IMMP2L: variants seen among roughly 807,000 people sequenced by gnomAD.
IMMP2L encodes the protein mitochondrial inner membrane protease subunit 2.
In IMMP2L, 18 loss-of-function variants were observed where a neutral mutation model predicts 19.3. That is an observed-to-expected ratio of 0.93 (90% CI 0.64 to 1.38). The LOEUF (loss-of-function observed/expected upper bound fraction) is 1.38. IMMP2L is among the 40% of genes most tolerant of loss of function. The pLI, the probability that IMMP2L is intolerant of heterozygous loss-of-function variation, is 0.00. For missense variants in IMMP2L, 233 were observed against 218.2 expected (o/e 1.07, Z -0.43); for synonymous variants, 76 against 73.0 (o/e 1.04, Z -0.21).
chr7:111,392,882 C>T, intron 3 of IMMP2L: 1 of 455,868 alleles, frequency 2.2e-6, no homozygotes, highest in Non-Finnish European at 4.4e-6. Flanking sequence ...GGGTCCAGAG[C>T]ATAGTAGCTT....
intron 3 of IMMP2L, among the ~76,000 whole-genome samples, chr7:111,479,719 T>C (rs1842018860): frequency 6.6e-6 from 1 of 152,246 alleles, no homozygotes; most frequent in Non-Finnish European, 1.5e-5. Context: ...TTTTTAAATA[T>C]AAGAAACAGC....
chr7:111,184,660 G>T (rs1808069845), intron 3 of IMMP2L, among the ~76,000 whole-genome samples: 1 of 152,034 alleles, frequency 6.6e-6, no homozygotes, highest in African/African-American at 2.4e-5. Flanking sequence ...TGCTATAAAT[G>T]TCACAAGTGC....
chr7:111,281,214 GAAAAAGAAAGAAAGAAAGAAAGAAAGA>G (rs1563005184), intron 3 of IMMP2L, among the ~76,000 whole-genome samples: 92 of 30,780 alleles, frequency 3.0e-3, no homozygotes, highest in South Asian at 0.012. Context: ...AAGAAAGAAA[GAAAAAGAAAGAAAGAAAGAAAGAAAGA>G]AAGAAGAGAG....
At chr7:111,402,791 T>A (rs182199189) in intron 3 of IMMP2L, among the ~76,000 whole-genome samples, 347 of 152,222 alleles carry the variant, frequency 2.3e-3, no homozygotes, top group Non-Finnish European at 4.2e-3. Context: ...AATCTGCATA[T>A]CTGTATATTA....
In IMMP2L at chr7:110,727,368, A is replaced by T. The variant is rs942001087; in HGVS notation, c.409-63647T>A. ...ACTCTGCCACAGCACTCCAGCCTGG[A>T]TGACAGAGTGAGACTCTGTCTCTAA... On this transcript the variant is annotated intron_variant, in intron 5 of 5. Transcript: ENST00000405709. This position sits in a 1 kb window ranked among gnomAD's most constrained non-coding sequence, Gnocchi z 4.3. Among the ~76,000 whole-genome samples the T allele has an allele frequency of 6.6e-6, 1 of 151,062 alleles. No individual in the cohort carries two copies. The highest frequency in any genetic ancestry group is 1.5e-5 in the Non-Finnish European group (1 of 67,864).
intron 3 of IMMP2L, among the ~76,000 whole-genome samples, chr7:111,198,632 T>C (rs1168585265): frequency 6.6e-6 from 1 of 152,230 alleles, no homozygotes; most frequent in Non-Finnish European, 1.5e-5. Flanking sequence ...ATGCTACTTC[T>C]ACAAATGATG....
At chr7:110,990,137 C>T (rs1822299520) in intron 3 of IMMP2L, among the ~76,000 whole-genome samples, 2 of 152,082 alleles carry the variant, frequency 1.3e-5, no homozygotes, top group Admixed American at 1.3e-4. Context: ...ACTACATAGC[C>T]ACACAAATAA....
rs987463527 is a variant in IMMP2L, at chr7:110,799,689, C to T, written c.408+86904G>A. Among the ~76,000 whole-genome samples the T allele has an allele frequency of 7.9e-5, 12 of 151,944 alleles. No individual in the cohort carries two copies. The East Asian group carries it at 1.2e-3, about 15-fold the overall frequency. On this transcript the variant is annotated intron_variant, in intron 5 of 5. Coordinates refer to ENST00000405709, the MANE Select transcript of IMMP2L (RefSeq NM_032549.4). Reference sequence around the variant, plus strand: ...ATGACAATTTATCATTTTTATTTACCGCTAGTCATTTTATTTCTCAAATAA... The same window carrying T: ...ATGACAATTTATCATTTTTATTTACTGCTAGTCATTTTATTTCTCAAATAA...
At chr7:110,777,365 A>G (rs1054431887) in intron 5 of IMMP2L, among the ~76,000 whole-genome samples, 8 of 151,998 alleles carry the variant, frequency 5.3e-5, no homozygotes, top group African/African-American at 1.9e-4. Flanking sequence ...ATAGATTTGT[A>G]GCAATATTAA....
chr7:111,128,492 A>G (rs1180737145), intron 3 of IMMP2L, among the ~76,000 whole-genome samples: 3 of 152,192 alleles, frequency 2.0e-5, no homozygotes, highest in Non-Finnish European at 2.9e-5. Context: ...CTATATCTGC[A>G]GAAACTAGCC....
At chr7:111,164,289 T>C (rs1418225461) in intron 3 of IMMP2L, among the ~76,000 whole-genome samples, 1 of 152,030 alleles carries the variant, frequency 6.6e-6, no homozygotes, top group East Asian at 1.9e-4. Context: ...CAGGGAGTGC[T>C]GACAACAAGG....
chr7:110,997,172 T>C (rs1273433274), intron 3 of IMMP2L, among the ~76,000 whole-genome samples: 1 of 152,076 alleles, frequency 6.6e-6, no homozygotes, highest in Non-Finnish European at 1.5e-5. Context: ...TTAAAAAAAA[T>C]TTACTCAGCA....
At chr7:111,176,722 A>C (rs1461995622) in intron 3 of IMMP2L, among the ~76,000 whole-genome samples, 1 of 152,026 alleles carries the variant, frequency 6.6e-6, no homozygotes, top group Non-Finnish European at 1.5e-5. Flanking sequence ...ACAAAAGGGT[A>C]ACTACCATCA....
chr7:111,546,857 T>C lies in IMMP2L; in HGVS notation c.-3+14994A>G, dbSNP rs183407164. Among the ~76,000 whole-genome samples the C allele has an allele frequency of 1.3e-3, 197 of 152,264 alleles. 1 individual carries two copies. The highest frequency in any genetic ancestry group is 4.4e-3 in the African/African-American group (184 of 41,568). ...TTATAGAGGCCACTAAACATTTAAA[T>C]TGTATCTGAAAAAATGAGAAGATAT... On this transcript the variant is annotated intron_variant, in intron 1 of 5. Transcript: ENST00000405709.
At chr7:111,106,236 C>G (rs930954785) in intron 3 of IMMP2L, among the ~76,000 whole-genome samples, 4 of 151,844 alleles carry the variant, frequency 2.6e-5, no homozygotes, top group African/African-American at 9.7e-5. Context: ...AAGCAAAGTA[C>G]CTGGAACACT....
chr7:110,665,389 A>G (rs1791376230), intron 5 of IMMP2L, among the ~76,000 whole-genome samples: 1 of 152,226 alleles, frequency 6.6e-6, no homozygotes, highest in Non-Finnish European at 1.5e-5. Flanking sequence ...GAGAATGAAG[A>G]CCGTTTCATA....
At chr7:110,826,371 TA>T (rs1397932731) in intron 5 of IMMP2L, among the ~76,000 whole-genome samples, 6 of 152,170 alleles carry the variant, frequency 3.9e-5, no homozygotes, top group African/African-American at 1.4e-4. Flanking sequence ...CATGCTGCTA[TA>T]AAGACACATG....
chr7:110,937,342 A>C (rs1011668416), intron 4 of IMMP2L, among the ~76,000 whole-genome samples: 1 of 152,148 alleles, frequency 6.6e-6, no homozygotes, highest in South Asian at 2.1e-4. Context: ...ATATGGCATT[A>C]AGAGGAGTGG....
At chr7:110,721,720 C>T (rs1795584604) in intron 5 of IMMP2L, among the ~76,000 whole-genome samples, 1 of 152,058 alleles carries the variant, frequency 6.6e-6, no homozygotes, top group South Asian at 2.1e-4. Context: ...CTAAACAATG[C>T]TGAATGACAA....
Sources: gnomAD v4.1 joint callset for allele counts (sites outside exome capture counted in the v4.1 genomes callset) on GRCh38, gnomAD v4.1.1 for gene constraint, Gnocchi (gnomAD v3.1) non-coding constraint, MANE v1.5 for transcripts, NCBI Gene and HGNC (gene_info 2026-07-23, HGNC 2026-07-21) for gene names.